The following ZNF841 variants were observed in gnomAD, a reference collection of about 807,000 sequenced individuals.
The protein encoded by ZNF841 is TCONS_00006091.
Under a neutral mutation model 13.0 loss-of-function variants are expected in ZNF841, and 11 were observed. The observed-to-expected ratio is 0.85, with a 90% CI of 0.53 to 1.40. The LOEUF is 1.40. Ranked by LOEUF, ZNF841 falls within the 40% of genes most tolerant of loss-of-function variation. The pLI is 0.00. For synonymous variants in ZNF841, 369 were observed against 381.6 expected (o/e 0.97, Z 0.38); for missense variants, 1,068 against 1,139.5 (o/e 0.94, Z 0.90).
In ZNF841 at chr19:52,090,711, A is replaced by G. The variant is rs546141607; in HGVS notation, c.-143-1709T>C. The stretch of plus-strand genomic sequence containing the variant: ...AGAAAGAAAGAAAGAAAGAAAGAGA[A>G]AGAAAGAAAGAAAAAAGAAAGGACT... On this transcript the variant is annotated intron_variant, in intron 2 of 6. Transcript: ENST00000594440. 1.9e-3 allele frequency among the ~76,000 whole-genome samples: 260 copies of G among 139,710 alleles called. 3 individuals are homozygous for G. The highest frequency in any genetic ancestry group is 0.018 in the Admixed American group (235 of 13,222). The allele number at this position is 139,710 out of a possible 152,430, so 91.7% of individuals were successfully genotyped here.
the ZNF841 span, chr19:52,058,920 T>C: frequency 6.5e-6 from 1 of 152,854 alleles, no homozygotes; most frequent in African/African-American, 2.4e-5. Context: ...CTCAAAAAAA[T>C]AATTGTTATT....
chr19:52,081,610 T>C (rs2088101239), intron 4 of ZNF841, among the ~76,000 whole-genome samples: 1 of 152,214 alleles, frequency 6.6e-6, no homozygotes, highest in South Asian at 2.1e-4. Flanking sequence ...TCCAACACTC[T>C]GGGAGCCCAA....
intron 4 of ZNF841, among the ~76,000 whole-genome samples, chr19:52,077,685 A>C (rs2123293103): frequency 6.6e-6 from 1 of 152,348 alleles, no homozygotes; most frequent in Non-Finnish European, 1.5e-5. Flanking sequence ...ACCTGAACCC[A>C]GATGTCTAAA....
At chr19:52,072,814 C>T (rs1165127536) in intron 6 of ZNF841, among the ~76,000 whole-genome samples, 1 of 151,944 alleles carries the variant, frequency 6.6e-6, no homozygotes, top group African/African-American at 2.4e-5. Context: ...AGCGTAACTC[C>T]GTCTCAAAAA....
intron 4 of ZNF841, among the ~76,000 whole-genome samples, chr19:52,082,802 TG>T (rs1238339861): frequency 2.0e-5 from 3 of 152,196 alleles, no homozygotes; most frequent in Non-Finnish European, 4.4e-5. Flanking sequence ...CATTTCAGGC[TG>T]GGCACGGTGG....
chr19:52,079,995 GAAAAAAA>G (rs750531184), intron 4 of ZNF841, among the ~76,000 whole-genome samples: 4 of 111,006 alleles, frequency 3.6e-5, no homozygotes, highest in South Asian at 2.9e-4. Flanking sequence ...CCATCTCAGG[GAAAAAAA>G]AAAAAAAAAA....
chr19:52,076,955 C>T lies in ZNF841; in HGVS notation c.142+3G>A, dbSNP rs1397117795. 1.2e-6 allele frequency: 2 copies of T among 1,612,114 alleles called. No individual in the cohort carries two copies. Among genetic ancestry groups the T allele is most frequent in the South Asian group, 2.2e-5 (2 of 91,066 alleles). On this transcript the variant is annotated splice_donor_region_variant and intron_variant, in intron 5 of 6. Coordinates refer to ENST00000594440, the MANE Select transcript of ZNF841 (RefSeq NM_001136499.2). ...CTAACTTCTGGAGGAAAACTATCCT[C>T]ACCCAGGAAGCCGAGGTTCCTGTAG...
At chr19:52,079,644 A>G (rs1157915308) in intron 4 of ZNF841, among the ~76,000 whole-genome samples, 1 of 152,064 alleles carries the variant, frequency 6.6e-6, no homozygotes, top group African/African-American at 2.4e-5. Context: ...GGTGGGAGGG[A>G]AAAAGGCAAG....
chr19:52,084,918 C>T, intron 3 of ZNF841, 40 bp from the exon 4 acceptor site: 1 of 1,156,576 alleles, frequency 8.6e-7, no homozygotes, highest in East Asian at 2.6e-5. Context: ...TTGGAAACAA[C>T]ACATTCCTTT....
At chr19:52,059,370 A>AAAATATAT in the ZNF841 span, among the ~76,000 whole-genome samples, 4 of 69,644 alleles carry the variant, frequency 5.7e-5, no homozygotes, top group African/African-American at 2.5e-4. Flanking sequence ...AAAAAAAAAA[A>AAAATATAT]ATATATATAT....
At chr19:52,080,875 C>T (rs1259649207) in intron 4 of ZNF841, among the ~76,000 whole-genome samples, 2 of 152,142 alleles carry the variant, frequency 1.3e-5, no homozygotes, top group Non-Finnish European at 2.9e-5. Context: ...CTGAACAAAG[C>T]AACCACCCAA....
chr19:52,061,173 T>C (rs542705254), downstream of ZNF841, among the ~76,000 whole-genome samples: 1 of 152,264 alleles, frequency 6.6e-6, no homozygotes, highest in Admixed American at 6.5e-5. Flanking sequence ...CCTCTTCTCT[T>C]TTCCAAACCA....
chr19:52,076,973 T>A lies in ZNF841; in HGVS notation c.127A>T (p.Asn43Tyr). ...CTATCCTCACCCAGGAAGCCGAGGT[T>A]CCTGTAGTTCTCCAACATCACGTCC... ...YRDVMLENYRNLGFLGLCLPD... is the reference protein window; with the variant it reads ...YRDVMLENYRYLGFLGLCLPD... Residue 43 changes from asparagine (N) to tyrosine (Y), a missense_variant, in exon 5 of 7, where the codon AAC (asparagine) becomes TAC (tyrosine). Transcript: ENST00000594440. 1 of 1,613,108 alleles carries A rather than the reference T, an allele frequency of 6.2e-7. No individual in the cohort carries two copies. The highest frequency in any genetic ancestry group is 8.5e-7 in the Non-Finnish European group (1 of 1,179,364).
At chr19:52,081,686 T>C (rs1344536004) in intron 4 of ZNF841, among the ~76,000 whole-genome samples, 1 of 152,168 alleles carries the variant, frequency 6.6e-6, no homozygotes, top group Non-Finnish European at 1.5e-5. Flanking sequence ...AAATCCCATC[T>C]CTACAAAGAG....
chr19:52,067,586 T>C lies in ZNF841; in HGVS notation c.296A>G (p.Lys99Arg). Reference sequence around the variant, plus strand: ...ACTGTTCTGTATTGGTGGTAATTCCTTGATCACACATTTAGGAGAGATACC... The same window carrying C: ...ACTGTTCTGTATTGGTGGTAATTCCCTGATCACACATTTAGGAGAGATACC... ...ITGISPKCVI[K>R]ELPPIQNSNT... Residue 99 changes from lysine to arginine, a missense_variant, in exon 7 of 7, where the codon AAG becomes AGG. Coordinates refer to ENST00000594440, the MANE Select transcript of ZNF841 (RefSeq NM_001136499.2). The C allele has an allele frequency of 1.3e-6, 2 of 1,546,766 alleles. No individual in the cohort carries two copies. The highest frequency in any genetic ancestry group is 1.7e-6 in the Non-Finnish European group (2 of 1,151,714).
At chr19:52,078,028 C>T (rs1180936079) in intron 4 of ZNF841, among the ~76,000 whole-genome samples, 1 of 152,150 alleles carries the variant, frequency 6.6e-6, no homozygotes, top group Non-Finnish European at 1.5e-5. Context: ...CGTGGTGGCT[C>T]ACACCTCCAT....
chr19:52,065,147 C>A lies in ZNF841; in HGVS notation c.2735G>T (p.Arg912Met), dbSNP rs112424143. 117 of 1,564,996 alleles carry A rather than the reference C, an allele frequency of 7.5e-5. 1 individual carries two copies. The African/African-American group carries it at 1.4e-3, about 18-fold the overall frequency. Residue 912 changes from arginine (R) to methionine (M), a missense_variant, in exon 7 of 7, where the codon AGG becomes ATG. Transcript: ENST00000594440. The stretch of plus-strand genomic sequence containing the variant: ...AGAGGTTAGGACAACATCTAACGGC[C>A]TTTCCACATTGAGTTTAGTTGTAAG... ...ENLTTKLNVE[R>M]PLDVVLTSGI...
Position 52,067,247 on chromosome 19 carries a change from C to A in ZNF841, c.635G>T (p.Arg212Met), listed in dbSNP as rs2087607441. The part of the protein sequence containing the change: ...EKIYGCNQIE[R>M]TVNNCFLASP... ...AGCTAAAAAACAATTATTAACTGTC[C>A]TCTCAATTTGATTACATCCATAAAT... Residue 212 changes from arginine (R) to methionine (M), a missense_variant, in exon 7 of 7, where the codon AGG becomes ATG. By Grantham distance (91) the Arg-to-Met change is moderately conservative. Coordinates refer to ENST00000594440, the MANE Select transcript of ZNF841 (RefSeq NM_001136499.2). The A allele has an allele frequency of 6.4e-7, 1 of 1,550,976 alleles. No homozygotes were observed. The highest frequency in any genetic ancestry group is 1.2e-5 in the South Asian group (1 of 83,870).
intron 4 of ZNF841, among the ~76,000 whole-genome samples, chr19:52,080,473 G>A (rs1273123693): frequency 1.3e-5 from 2 of 152,200 alleles, no homozygotes; most frequent in Non-Finnish European, 2.9e-5. Context: ...CAACTCCCAA[G>A]ATCATCTAGG....
Sources: gnomAD v4.1 joint callset for allele counts (sites outside exome capture counted in the v4.1 genomes callset) on GRCh38, gnomAD v4.1.1 for gene constraint, MANE v1.5 for transcripts, NCBI Gene and HGNC (gene_info 2026-07-23, HGNC 2026-07-21) for gene names.